APOBEC3D: variants seen among roughly 807,000 people sequenced by gnomAD.
The protein encoded by APOBEC3D is DNA dC->dU-editing enzyme APOBEC-3D.
A neutral mutation model predicts 45.6 loss-of-function variants in APOBEC3D; 37 were observed. That is an observed-to-expected ratio of 0.81 (90% CI 0.62 to 1.07). The LOEUF (loss-of-function observed/expected upper bound fraction) is 1.07, where lower values mean the gene tolerates loss of function less well. Among genes scored for constraint, APOBEC3D ranks in the 50% least tolerant of loss-of-function variants. The probability of loss-of-function intolerance (pLI) is 0.00; values close to 1 mark genes in which losing one functional copy is unlikely to be tolerated. For synonymous variants in APOBEC3D, 175 were observed against 180.7 expected, an observed-to-expected ratio of 0.97 and a Z score of 0.25; for missense variants, 496 against 495.3, an observed-to-expected ratio of 1.00 and a Z score of -0.01.
At chr22:39,024,619 A>G (rs1925446456) in intron 2 of APOBEC3D, among the ~76,000 whole-genome samples, 1 of 152,174 alleles carries the variant, frequency 6.6e-6, no homozygotes, top group Non-Finnish European at 1.5e-5. Flanking sequence ...CGAGCTGCAC[A>G]GTCACATGGG....
Position 39,025,624 on chromosome 22 carries a change from C to G in APOBEC3D, c.558C>G (p.Phe186Leu). The change falls in exon 4 of 7, where the codon TTC becomes TTG. Residue 186 changes from phenylalanine (F) to leucine (L), a missense_variant. Transcript: ENST00000216099. The stretch of plus-strand genomic sequence containing the variant: ...AGCCATTCATGCCTTGGTACAAATT[C>G]GATGACAATTATGCATCCCTGCACC... Reference protein sequence around the residue: ...EGQPFMPWYKFDDNYASLHRT... With the variant: ...EGQPFMPWYKLDDNYASLHRT... 2 of 1,614,126 alleles carry G rather than the reference C, an allele frequency of 1.2e-6. No homozygotes were observed. The highest frequency in any genetic ancestry group is 3.3e-5 in the Admixed American group (2 of 60,016).
chr22:39,022,981 A>G lies in APOBEC3D; in HGVS notation c.177A>G (p.Val59=). The G allele has an allele frequency of 6.2e-7, 1 of 1,612,380 alleles. No homozygotes were observed. Among genetic ancestry groups the G allele is most frequent in the Non-Finnish European group, 8.5e-7 (1 of 1,179,294 alleles). The change falls in exon 2 of 7, where the codon GTA becomes GTG. Residue 59 remains valine, a synonymous_variant. Coordinates refer to ENST00000216099, the MANE Select transcript of APOBEC3D (RefSeq NM_152426.4). ...ACACAGGGGTCTTTCGAGGCCCGGTACTACCCAAACGTCAGTCGAATCACA... is the reference window on the plus strand; with the variant it reads ...ACACAGGGGTCTTTCGAGGCCCGGTGCTACCCAAACGTCAGTCGAATCACA... The part of the protein sequence containing the change: ...LWDTGVFRGP[V]LPKRQSNHRQ...
intron 4 of APOBEC3D, among the ~76,000 whole-genome samples, chr22:39,027,581 G>A (rs1925798650): frequency 6.6e-6 from 1 of 152,090 alleles, no homozygotes; most frequent in Admixed American, 6.5e-5. Context: ...TAGAACCCAA[G>A]CCCAGGACTA....
At chr22:39,023,269 C>A (rs1925306328) in intron 2 of APOBEC3D, among the ~76,000 whole-genome samples, 1 of 151,860 alleles carries the variant, frequency 6.6e-6, no homozygotes, top group Non-Finnish European at 1.5e-5. Flanking sequence ...GCGCGTGCTA[C>A]CACGCCCGGC....
In APOBEC3D at chr22:39,022,567, G is replaced by C. The variant is rs142495472; in HGVS notation, c.18-255G>C. Among the ~76,000 whole-genome samples the C allele has an allele frequency of 6.5e-3, 997 of 152,338 alleles. 3 individuals carry two copies. Among genetic ancestry groups the C allele is most frequent in the Non-Finnish European group, 0.01 (707 of 68,026 alleles). On this transcript the variant is annotated intron_variant, in intron 1 of 6. Coordinates refer to ENST00000216099, the MANE Select transcript of APOBEC3D (RefSeq NM_152426.4). Reference sequence around the variant, plus strand: ...GGGAGTGGGTGGGCAGAAATACTGAGAGGGTGGGGAATATACCCCTGGAAA... The same window carrying C: ...GGGAGTGGGTGGGCAGAAATACTGACAGGGTGGGGAATATACCCCTGGAAA...
At chr22:39,022,691 C>T in intron 1 of APOBEC3D, 131 bp from the exon 2 acceptor site, 4 of 1,222,436 alleles carry the variant, frequency 3.3e-6, no homozygotes, top group Non-Finnish European at 4.5e-6. Flanking sequence ...GGGAAGGCAG[C>T]AGAAATTCTC....
At chr22:39,024,994 C>T (rs1422710788) in intron 2 of APOBEC3D, 76 bp from the exon 3 acceptor site, 4 of 740,666 alleles carry the variant, frequency 5.4e-6, no homozygotes, top group African/African-American at 3.6e-5. Context: ...GTCCTGGCCC[C>T]TCCTCCCCCT....
chr22:39,021,739 C>G (rs1282021263), intron 1 of APOBEC3D, among the ~76,000 whole-genome samples: 1 of 152,166 alleles, frequency 6.6e-6, no homozygotes, highest in African/African-American at 2.4e-5. Flanking sequence ...GGCCACCTTC[C>G]CCACCTGCCA....
At position 39,025,558 on chromosome 22, in the gene APOBEC3D, C is replaced by A. The variant is rs368121641; in HGVS notation, c.492C>A (p.Asp164Glu). ...GTGCTTCCCACCTCTTCATCTCAGA[C>A]TTTGCATACTGCTGGGAAAACTTTG... is the stretch of plus-strand genomic sequence containing the variant. ...GARVKIMDYEDFAYCWENFVC... is the reference protein window; with the variant it reads ...GARVKIMDYEEFAYCWENFVC... The change falls in exon 4 of 7, where the codon GAC becomes GAA. Residue 164 changes from aspartate to glutamate, a missense_variant and splice_region_variant. Transcript: ENST00000216099. 19 of 1,614,010 alleles carry A rather than the reference C, an allele frequency of 1.2e-5. No individual in the cohort carries two copies. Among genetic ancestry groups the A allele is most frequent in the East Asian group, 2.2e-5 (1 of 44,896 alleles).
At chr22:39,021,627 G>C (rs911573339) in intron 1 of APOBEC3D, 91 bp downstream of exon 1, 4 of 1,577,318 alleles carry the variant, frequency 2.5e-6, no homozygotes, top group African/African-American at 1.4e-5. Flanking sequence ...CCCTGCCCCA[G>C]CCCCAGCCCT....
chr22:39,022,959 C>T lies in APOBEC3D; in HGVS notation c.155C>T (p.Thr52Ile). ...KRGRSNLLWD[T>I]GVFRGPVLPK... ...GGCCGCTCAAATCTCCTTTGGGACA[C>T]AGGGGTCTTTCGAGGCCCGGTACTA... The change falls in exon 2 of 7, where the codon ACA becomes ATA. Residue 52 changes from threonine (T) to isoleucine (I), a missense_variant. Coordinates refer to ENST00000216099, the MANE Select transcript of APOBEC3D (RefSeq NM_152426.4). 6.2e-7 allele frequency: 1 copy of T among 1,613,778 alleles called. No individual in the cohort carries two copies. The highest frequency in any genetic ancestry group is 2.2e-5 in the East Asian group (1 of 44,842).
chr22:39,031,975 T>C lies in APOBEC3D; in HGVS notation c.1042+2T>C. 4 of 1,613,556 alleles carry C rather than the reference T, an allele frequency of 2.5e-6. No homozygotes were observed. Among genetic ancestry groups the C allele is most frequent in the Middle Eastern group, 1.6e-4 (1 of 6,062 alleles). On this transcript the variant is annotated splice_donor_variant, in intron 6 of 6. Transcript: ENST00000216099. LOFTEE classifies it high-confidence loss of function. Reference sequence around the variant, plus strand: ...CCGTGAAGATCATGGGCTACAAAGGTGAGACGTGGGGGGCTGAGGAGAGTG... The same window carrying C: ...CCGTGAAGATCATGGGCTACAAAGGCGAGACGTGGGGGGCTGAGGAGAGTG...
At chr22:39,025,048 C>T (rs537073178) in intron 2 of APOBEC3D, 22 bp from the exon 3 acceptor site, 44 of 1,549,416 alleles carry the variant, frequency 2.8e-5, no homozygotes, top group Non-Finnish European at 3.8e-5. Flanking sequence ...CAGAGCTTCC[C>T]CTGCCCCTGC....
chr22:39,032,479 C>G lies in APOBEC3D; in HGVS notation c.*163C>G. Reference sequence around the variant, plus strand: ...CCCCCCTGCCTCACCACCTCCTCCCCGCTCTCCCAGGCTCTTCTTGTAGAG... The same window carrying G: ...CCCCCCTGCCTCACCACCTCCTCCCGGCTCTCCCAGGCTCTTCTTGTAGAG... On this transcript the variant is annotated 3_prime_UTR_variant, in exon 7 of 7. Transcript: ENST00000216099. 2 of 1,439,832 alleles carry G rather than the reference C, an allele frequency of 1.4e-6. No homozygotes were observed. Among genetic ancestry groups the G allele is most frequent in the African/African-American group, 1.4e-5 (1 of 70,076 alleles). The allele number at this position is 1,439,832 out of a possible 1,614,324, so 89.2% of individuals were successfully genotyped here.
In APOBEC3D at chr22:39,022,732, G is replaced by A. The variant is rs141099467; in HGVS notation, c.18-90G>A. ...TGTGGAGGGGTGGGGGAGGCCCAGG[G>A]CCGTCCCGGGAGCTGTGTTCAGTGG... On this transcript the variant is annotated intron_variant, in intron 1 of 6. Coordinates refer to ENST00000216099, the MANE Select transcript of APOBEC3D (RefSeq NM_152426.4). 10,857 of 1,487,446 alleles carry A rather than the reference G, an allele frequency of 7.3e-3. 772 individuals carry two copies. In the African/African-American group the frequency reaches 0.14, roughly 20 times the overall value. 92.1% of individuals were successfully genotyped at this position (1,487,446 alleles called of 1,614,324 possible).
chr22:39,031,304 A>G (rs1007876430), intron 5 of APOBEC3D, among the ~76,000 whole-genome samples: 1 of 152,184 alleles, frequency 6.6e-6, no homozygotes, highest in African/African-American at 2.4e-5. Context: ...CATGTGGTTT[A>G]TGCTCATAGT....
At chr22:39,024,285 A>G (rs563920779) in intron 2 of APOBEC3D, among the ~76,000 whole-genome samples, 3 of 152,312 alleles carry the variant, frequency 2.0e-5, no homozygotes, top group East Asian at 1.9e-4. Context: ...GCCCTTGGCC[A>G]GTGCCCCCCA....
chr22:39,029,245 T>C, intron 4 of APOBEC3D, 118 bp from the exon 5 acceptor site: 3 of 1,184,886 alleles, frequency 2.5e-6, no homozygotes, highest in South Asian at 2.9e-5. Context: ...CAGCAGACAT[T>C]CCCAGGGCTG....
rs1341401848 is a variant in APOBEC3D at position 39,026,749 on chromosome 22, G to GTT, written c.605+1084_605+1085dup. Among the ~76,000 whole-genome samples, 167 of 149,370 alleles carry GTT rather than the reference G, an allele frequency of 1.1e-3. 4 individuals are homozygous for GTT. Among genetic ancestry groups the GTT allele is most frequent in the African/African-American group, 4.2e-3 (164 of 39,106 alleles). On this transcript the variant is annotated intron_variant, in intron 4 of 6. Transcript: ENST00000216099. ...GTGATCAAGGTCCCATTTGAGTAAG[G>GTT]TTTTTTTGTTTTTTTTTTTTTGAGA...
Sources: gnomAD v4.1 joint callset for allele counts (sites outside exome capture counted in the v4.1 genomes callset) on GRCh38, gnomAD v4.1.1 for gene constraint, MANE v1.5 for transcripts, NCBI Gene and HGNC (gene_info 2026-07-23, HGNC 2026-07-21) for gene names.